The following TNR variants were observed in gnomAD, a reference collection of about 807,000 sequenced individuals.
The protein encoded by TNR is tenascin R.
Under a neutral mutation model 150.4 loss-of-function variants are expected in TNR, and 45 were observed. The ratio of observed to expected loss-of-function variants is 0.30; its 90% confidence interval spans 0.24 to 0.38. The LOEUF (loss-of-function observed/expected upper bound fraction) is 0.38, where lower values mean the gene tolerates loss of function less well. TNR is among the 10% of genes least tolerant of loss of function. TNR has a pLI of 1.00. For synonymous variants in TNR, 687 were observed against 678.4 expected (o/e 1.01, Z -0.20); for missense variants, 1,544 against 1,759.1 (o/e 0.88, Z 2.19).
intron 2 of TNR, among the ~76,000 whole-genome samples, chr1:175,445,226 C>T (rs1450484110): frequency 1.3e-5 from 2 of 152,046 alleles, no homozygotes; most frequent in Admixed American, 6.5e-5. Flanking sequence ...GCCAAGATCG[C>T]ACCACTTCAT....
intron 2 of TNR, among the ~76,000 whole-genome samples, chr1:175,467,842 G>A (rs967201768): frequency 2.0e-5 from 3 of 152,184 alleles, no homozygotes; most frequent in Non-Finnish European, 2.9e-5. Context: ...ATTGGGCAAA[G>A]AAATTACTCG....
At chr1:175,735,176 G>C (rs1667739756) in intron 1 of TNR, among the ~76,000 whole-genome samples, 1 of 152,184 alleles carries the variant, frequency 6.6e-6, no homozygotes. Context: ...TCAGGGCCCT[G>C]TCTGTCTGCC....
intron 9 of TNR, among the ~76,000 whole-genome samples, chr1:175,373,808 GC>G (rs1652238062): frequency 6.6e-6 from 1 of 152,082 alleles, no homozygotes; most frequent in South Asian, 2.1e-4. Flanking sequence ...CTTATCCCCA[GC>G]CTTTAAGACA....
intron 1 of TNR, among the ~76,000 whole-genome samples, chr1:175,535,982 T>C (rs1660265557): frequency 6.6e-6 from 1 of 152,174 alleles, no homozygotes; most frequent in Non-Finnish European, 1.5e-5. Context: ...TATTTTTATA[T>C]CTCATTACAG....
chr1:175,644,307 T>A (rs918309455), intron 1 of TNR, among the ~76,000 whole-genome samples: 1 of 152,178 alleles, frequency 6.6e-6, no homozygotes, highest in South Asian at 2.1e-4. Context: ...ATCTAATCAG[T>A]GTCACCTTCT....
chr1:175,612,639 G>T (rs995811831), intron 1 of TNR, among the ~76,000 whole-genome samples: 1 of 152,118 alleles, frequency 6.6e-6, no homozygotes, highest in Non-Finnish European at 1.5e-5. Context: ...TAATGCAGCA[G>T]TTTTACAAAT....
chr1:175,703,019 C>T (rs1204148892), intron 1 of TNR, among the ~76,000 whole-genome samples: 2 of 150,800 alleles, frequency 1.3e-5, no homozygotes, highest in South Asian at 4.2e-4. Context: ...TTTCGACATT[C>T]CATGAAAATT....
chr1:175,491,130 A>G (rs895453081), intron 2 of TNR, among the ~76,000 whole-genome samples: 1 of 152,248 alleles, frequency 6.6e-6, no homozygotes, highest in Non-Finnish European at 1.5e-5. Flanking sequence ...CAGAGAATCA[A>G]TCACTGTATG....
At chr1:175,519,326 G>T (rs368867694) in intron 2 of TNR, among the ~76,000 whole-genome samples, 1 of 152,168 alleles carries the variant, frequency 6.6e-6, no homozygotes, top group African/African-American at 2.4e-5. Flanking sequence ...GTTTACAATT[G>T]TCCTGTGTTA....
At chr1:175,539,634 T>C (rs1006069318) in intron 1 of TNR, among the ~76,000 whole-genome samples, 3 of 152,328 alleles carry the variant, frequency 2.0e-5, no homozygotes, top group South Asian at 4.1e-4. Flanking sequence ...ATTTGCCTCA[T>C]TGACTTTCTG....
At chr1:175,522,722 C>G (rs1659689865) in intron 2 of TNR, among the ~76,000 whole-genome samples, 1 of 152,020 alleles carries the variant, frequency 6.6e-6, no homozygotes, top group African/African-American at 2.4e-5. Flanking sequence ...AAGATGCCCC[C>G]CCACAAAAAA....
At position 175,696,110 on chromosome 1, in the gene TNR, G is replaced by A. The variant is rs188296008; in HGVS notation, c.-165+47116C>T. Among the ~76,000 whole-genome samples, 104 of 151,424 alleles carry A rather than the reference G, an allele frequency of 6.9e-4. 3 individuals carry two copies. In the East Asian group the frequency reaches 0.017, roughly 25 times the overall value. On this transcript the variant is annotated intron_variant, in intron 1 of 22. Transcript: ENST00000367674. Reference sequence around the variant, plus strand: ...GTCTCCTGGCTGCAGGATCCTCTGTGAATTTACAAATACTGTTAACCAATC... The same window carrying A: ...GTCTCCTGGCTGCAGGATCCTCTGTAAATTTACAAATACTGTTAACCAATC...
intron 1 of TNR, among the ~76,000 whole-genome samples, chr1:175,647,205 A>G (rs1476917260): frequency 6.6e-6 from 1 of 151,780 alleles, no homozygotes; most frequent in Non-Finnish European, 1.5e-5. Context: ...AATATTTGGC[A>G]TATGCAAAAA....
intron 2 of TNR, among the ~76,000 whole-genome samples, chr1:175,450,979 T>C (rs1239276648): frequency 2.0e-5 from 3 of 152,192 alleles, no homozygotes; most frequent in Non-Finnish European, 4.4e-5. Flanking sequence ...GTTTGGATTA[T>C]ACAACCCCAC....
intron 6 of TNR, among the ~76,000 whole-genome samples, chr1:175,392,787 G>C (rs1299664168): frequency 1.3e-5 from 2 of 152,178 alleles, no homozygotes; most frequent in African/African-American, 4.8e-5. Flanking sequence ...TCACCAACTA[G>C]CTGTATGATG....
At chr1:175,508,367 A>G (rs1659039164) in intron 2 of TNR, among the ~76,000 whole-genome samples, 1 of 152,172 alleles carries the variant, frequency 6.6e-6, no homozygotes, top group South Asian at 2.1e-4. Flanking sequence ...AGCCTTTGGG[A>G]TGGTCCCCAG....
chr1:175,335,075 T>TC (rs1168734410), intron 20 of TNR, among the ~76,000 whole-genome samples: 1 of 152,124 alleles, frequency 6.6e-6, no homozygotes, highest in Non-Finnish European at 1.5e-5. Flanking sequence ...CCTTTATCCA[T>TC]CACTATGAAA....
At chr1:175,331,078 C>CTTTCCTTCCTTCT (rs57439733) in intron 20 of TNR, among the ~76,000 whole-genome samples, 4 of 59,944 alleles carry the variant, frequency 6.7e-5, no homozygotes, top group African/African-American at 2.5e-4. Flanking sequence ...TCTTTCTTTC[C>CTTTCCTTCCTTCT]TTCTTTCTTT....
chr1:175,717,448 A>G (rs988894016), intron 1 of TNR, among the ~76,000 whole-genome samples: 1 of 152,152 alleles, frequency 6.6e-6, no homozygotes, highest in African/African-American at 2.4e-5. Context: ...TAGAAGTTGA[A>G]ATCACTTTTA....
Sources: allele counts gnomAD v4.1 joint callset (sites outside exome capture counted in the v4.1 genomes callset), GRCh38; gene constraint gnomAD v4.1.1; transcripts MANE v1.5; gene names NCBI Gene and HGNC (gene_info 2026-07-23, HGNC 2026-07-21).